Variants in INCENP observed in about 807,000 individuals in gnomAD.
INCENP encodes the protein inner centromere protein.
Under a neutral mutation model 107.3 loss-of-function variants are expected in INCENP, and 43 were observed. The observed-to-expected ratio is 0.40, with a 90% CI of 0.31 to 0.52. INCENP has a LOEUF of 0.52. Among genes scored for constraint, INCENP ranks in the 20% least tolerant of loss-of-function variants. INCENP has a pLI of 0.53. For missense variants in INCENP, 1,089 were observed against 1,250.9 expected, an observed-to-expected ratio of 0.87 and a Z score of 1.95; for synonymous variants, 488 against 494.4, an observed-to-expected ratio of 0.99 and a Z score of 0.17.
At position 62,128,289 on chromosome 11, in the gene INCENP, G is replaced by T; in HGVS notation, c.128G>T (p.Arg43Leu). ...GAGGAAATCCAAGAGGAGGCCGAGC[G>T]CATGTTCACCAGGTGAAGACGGGCA... is the stretch of plus-strand genomic sequence containing the variant. ...WLEEIQEEAE[R>L]MFTREFSKEP... Residue 43 changes from arginine to leucine, a missense_variant, in exon 2 of 19, where the codon CGC becomes CTC. Arg to Leu is a moderately radical substitution (Grantham distance 102, BLOSUM62 -2). Coordinates refer to ENST00000394818, the MANE Select transcript of INCENP (RefSeq NM_001040694.2). 6.2e-7 allele frequency: 1 copy of T among 1,614,044 alleles called. No homozygotes were observed. Among genetic ancestry groups the T allele is most frequent in the Non-Finnish European group, 8.5e-7 (1 of 1,179,990 alleles).
chr11:62,138,471 C>T (rs1022433950), intron 5 of INCENP, among the ~76,000 whole-genome samples: 17 of 152,224 alleles, frequency 1.1e-4, no homozygotes, highest in African/African-American at 3.9e-4. Flanking sequence ...TGAGACAGCT[C>T]TGTGGTGGGG....
chr11:62,144,730 G>A (rs1461743045), intron 11 of INCENP: 15 of 744,236 alleles, frequency 2.0e-5, no homozygotes, highest in Non-Finnish European at 3.7e-5. Flanking sequence ...CCAAAACTTG[G>A]CAGGGCTCAA....
Position 62,145,714 on chromosome 11 carries a change from A to G in INCENP, c.1922A>G (p.Gln641Arg). The G allele has an allele frequency of 6.4e-7, 1 of 1,558,072 alleles. No individual in the cohort carries two copies. Among genetic ancestry groups the G allele is most frequent in the Non-Finnish European group, 8.7e-7 (1 of 1,150,952 alleles). The part of the protein sequence containing the change: ...KMEEVEARRK[Q>R]EEEARRLRWL... ...GAGGAGGTGGAAGCACGCAGGAAGC[A>G]GGAAGAGGAGGCACGTAGGCTCAGG... The change falls in exon 14 of 19, where the codon CAG (glutamine) becomes CGG (arginine). Residue 641 changes from glutamine to arginine, a missense_variant. Physicochemically the swap from Gln to Arg is conservative, Grantham distance 43. Coordinates refer to ENST00000394818, the MANE Select transcript of INCENP (RefSeq NM_001040694.2).
At position 62,150,123 on chromosome 11, in the gene INCENP, G is replaced by A. The variant is rs761126047; in HGVS notation, c.2458G>A (p.Asp820Asn). 16 of 1,613,930 alleles carry A rather than the reference G, an allele frequency of 9.9e-6. No individual in the cohort carries two copies. The highest frequency in any genetic ancestry group is 1.3e-5 in the African/African-American group (1 of 74,908). ...CAGGGCCCCTCCCAAGATCAACCCA[G>A]ATAACTACGGGATGGATCTGAATAG... Reference protein sequence around the residue: ...GHRAPPKINPDNYGMDLNSDD... With the variant: ...GHRAPPKINPNNYGMDLNSDD... The change falls in exon 18 of 19, where the codon GAT becomes AAT. Residue 820 changes from aspartate (D) to asparagine (N), a missense_variant. Transcript: ENST00000394818.
chr11:62,127,222 TG>T (rs1357822413), intron 1 of INCENP, among the ~76,000 whole-genome samples: 1 of 151,850 alleles, frequency 6.6e-6, no homozygotes, highest in South Asian at 2.1e-4. Flanking sequence ...CTAGTAGAGT[TG>T]GGGTTTCACC....
chr11:62,137,778 T>C, intron 4 of INCENP, 54 bp from the exon 5 acceptor site: 1 of 1,549,790 alleles, frequency 6.5e-7, no homozygotes, highest in East Asian at 2.2e-5. Context: ...CCCCTTAGAG[T>C]GGGACCTGTG....
In INCENP at chr11:62,130,334, G is replaced by T. The variant is rs35656141; in HGVS notation, c.807G>T (p.Ser269=). Residue 269 remains serine (S), a synonymous_variant, in exon 4 of 19, where the codon TCG becomes TCT. Coordinates refer to ENST00000394818, the MANE Select transcript of INCENP (RefSeq NM_001040694.2). ...AGGTCTCCCCTGGCCCACGGGACTC[G>T]CCAGCCTTTCCAGATTCTCCATGGC... ...IAQVSPGPRD[S]PAFPDSPWRE... is the part of the protein sequence containing the mutation. 5.6e-3 allele frequency: 9,069 copies of T among 1,611,540 alleles called. 41 individuals carry two copies. The highest frequency in any genetic ancestry group is 9.4e-3 in the Middle Eastern group (57 of 6,062).
chr11:62,125,753 A>C (rs1283529185), intron 1 of INCENP, among the ~76,000 whole-genome samples: 1 of 152,240 alleles, frequency 6.6e-6, no homozygotes, highest in Non-Finnish European at 1.5e-5. Context: ...TTCATTTAAC[A>C]AATAGTCCTT....
chr11:62,130,005 C>G lies in INCENP; in HGVS notation c.478C>G (p.His160Asp). 6.2e-7 allele frequency: 1 copy of G among 1,614,098 alleles called. No homozygotes were observed. Among genetic ancestry groups the G allele is most frequent in the Non-Finnish European group, 8.5e-7 (1 of 1,180,018 alleles). Reference protein sequence around the residue: ...TMLTKKPEDNHTQCQLVPVVE... With the variant: ...TMLTKKPEDNDTQCQLVPVVE... ...GCTGACTAAGAAGCCCGAGGATAAC[C>G]ACACCCAGTGCCAGCTGGTGCCTGT... The change falls in exon 4 of 19, where the codon CAC becomes GAC. Residue 160 changes from histidine (H) to aspartate (D), a missense_variant. Transcript: ENST00000394818.
chr11:62,127,972 A>G (rs79215615), intron 1 of INCENP, among the ~76,000 whole-genome samples, 179 bp from the exon 2 acceptor site: 3,045 of 60,888 alleles, frequency 0.05, 67 homozygotes, highest in South Asian at 0.21. Context: ...AGATGAGGCT[A>G]GGGGATGAGT....
At chr11:62,139,150 T>C (rs544553661) in intron 7 of INCENP, 145 bp downstream of exon 7, 1 of 642,650 alleles carries the variant, frequency 1.6e-6, no homozygotes, top group Admixed American at 2.4e-5. Context: ...GGTGCAGAGA[T>C]CCCTTTTGAG....
intron 4 of INCENP, among the ~76,000 whole-genome samples, chr11:62,136,010 C>T (rs771568773): frequency 6.6e-6 from 1 of 151,714 alleles, no homozygotes; most frequent in Admixed American, 6.6e-5. Flanking sequence ...GGGGTTTCAC[C>T]GTGGTCTCGA....
Position 62,130,544 on chromosome 11 carries a change from T to G in INCENP, c.1017T>G (p.Leu339=). The G allele has an allele frequency of 1.9e-6, 3 of 1,613,786 alleles. No homozygotes were observed. The highest frequency in any genetic ancestry group is 1.1e-5 in the South Asian group (1 of 91,068). ...TTGTCCGCAGGGCGAGCAGAAGGCTTGCCAAGAAGACTGCCGAAGAGCCAG... is the reference window on the plus strand; with the variant it reads ...TTGTCCGCAGGGCGAGCAGAAGGCTGGCCAAGAAGACTGCCGAAGAGCCAG... The part of the protein sequence containing the change: ...ESVVRRASRR[L]AKKTAEEPAA... The change falls in exon 4 of 19, where the codon CTT becomes CTG. Residue 339 remains leucine, a synonymous_variant. Transcript: ENST00000394818.
intron 4 of INCENP, among the ~76,000 whole-genome samples, chr11:62,136,638 G>A (rs1045639420): frequency 3.3e-5 from 5 of 151,970 alleles, no homozygotes; most frequent in South Asian, 2.1e-4. Flanking sequence ...CTGAGATTGC[G>A]CCACTGCATT....
At chr11:62,130,694 C>A in intron 4 of INCENP, 104 bp downstream of exon 4, 2 of 1,013,366 alleles carry the variant, frequency 2.0e-6, no homozygotes, top group Non-Finnish European at 2.9e-6. Flanking sequence ...GAGCTTTCTG[C>A]AGTGAGGTAG....
intron 6 of INCENP, 28 bp downstream of exon 6, chr11:62,138,798 A>G (rs369786407): frequency 1.5e-5 from 24 of 1,611,716 alleles, no homozygotes; most frequent in Admixed American, 1.2e-4. Flanking sequence ...GGAAGGGAGG[A>G]CTCACCTCTG....
rs1324663606 is a variant in INCENP, at chr11:62,130,467, A to G, written c.940A>G (p.Ser314Gly). The G allele has an allele frequency of 6.2e-7, 1 of 1,613,978 alleles. No homozygotes were observed. Among genetic ancestry groups the G allele is most frequent in the Non-Finnish European group, 8.5e-7 (1 of 1,180,052 alleles). ...CAGCCCGATCGCCCCGTCTTCCCCG[A>G]GTCCCCAAGTCTTAGCCCAGAAGTA... ...RHSPIAPSSP[S>G]PQVLAQKYSL... Residue 314 changes from serine (S) to glycine (G), a missense_variant, in exon 4 of 19, where the codon AGT becomes GGT. Physicochemically the swap from Ser to Gly is moderately conservative, Grantham distance 56. Transcript: ENST00000394818.
chr11:62,141,355 G>A (rs1944117549), intron 10 of INCENP, 145 bp from the exon 11 acceptor site: 4 of 1,037,816 alleles, frequency 3.9e-6, no homozygotes, highest in African/African-American at 3.1e-5. Context: ...GTGAGGGTTG[G>A]GTGACAGGAG....
intron 11 of INCENP, among the ~76,000 whole-genome samples, chr11:62,142,497 A>G (rs1540185): frequency 0.86 from 131,285 of 152,266 alleles, 57,354 homozygotes; most frequent in Admixed American, 0.92. Flanking sequence ...CCCTGCACAA[A>G]GCATCTAGTG....
Sources: allele counts gnomAD v4.1 joint callset (sites outside exome capture counted in the v4.1 genomes callset), GRCh38; gene constraint gnomAD v4.1.1; transcripts MANE v1.5; gene names NCBI Gene and HGNC (gene_info 2026-07-23, HGNC 2026-07-21).